The following NUDCD3 variants were observed in gnomAD, a reference collection of about 807,000 sequenced individuals.
NUDCD3 encodes the protein nudC domain-containing protein 3.
NUDCD3 carries 13 observed loss-of-function variants against 39.7 expected under a neutral mutation model. That is an observed-to-expected ratio of 0.33 (90% CI 0.21 to 0.52). NUDCD3 has a LOEUF of 0.52. Among genes scored for constraint, NUDCD3 ranks in the 20% least tolerant of loss-of-function variants. The pLI, the probability that NUDCD3 is intolerant of heterozygous loss-of-function variation, is 0.96. For synonymous variants in NUDCD3, 175 were observed against 172.4 expected, an observed-to-expected ratio of 1.02 and a Z score of -0.12; for missense variants, 453 against 458.1, an observed-to-expected ratio of 0.99 and a Z score of 0.10.
chr7:44,461,444 A>T (rs1043514913), intron 2 of NUDCD3, among the ~76,000 whole-genome samples: 7 of 152,186 alleles, frequency 4.6e-5, no homozygotes, highest in African/African-American at 1.7e-4. Context: ...CTTCTCTTAA[A>T]ATCAGTGTGA....
rs1798550759 is a variant in NUDCD3 at position 44,393,116 on chromosome 7, C to A, written c.787-631G>T. Among the ~76,000 whole-genome samples the A allele has an allele frequency of 7.2e-5, 11 of 152,154 alleles. 1 individual carries two copies. In the South Asian group the frequency reaches 2.3e-3, roughly 32 times the overall value. ...TGTCCCCACTTCTTCCTCACTGGGG[C>A]CAAGCTTGCTGCATGAGGGGGTCCT... is the stretch of plus-strand genomic sequence containing the variant. On this transcript the variant is annotated intron_variant, in intron 4 of 5. Transcript: ENST00000355451.
rs1369785350 is a variant in NUDCD3, at chr7:44,485,158, C to G, written c.319G>C (p.Glu107Gln). ...TCCTGGACTGGAACTGGGACTGGCT[C>G]CTTCTCAGCTGCAGCAGCTGACACA... ...KTVSAAAAEKEPVPVPVQEIE... is the reference protein window; with the variant it reads ...KTVSAAAAEKQPVPVPVQEIE... Residue 107 changes from glutamate (E) to glutamine (Q), a missense_variant, in exon 2 of 6, where the codon GAG becomes CAG. Glu to Gln is a conservative substitution (Grantham distance 29). Transcript: ENST00000355451. 2 of 1,614,186 alleles carry G rather than the reference C, an allele frequency of 1.2e-6. No homozygotes were observed. Among genetic ancestry groups the G allele is most frequent in the Admixed American group, 3.3e-5 (2 of 60,018 alleles).
At chr7:44,439,536 C>T (rs957747233) in intron 2 of NUDCD3, among the ~76,000 whole-genome samples, 1 of 145,522 alleles carries the variant, frequency 6.9e-6, no homozygotes, top group Non-Finnish European at 1.5e-5. Context: ...AGGACTGGAA[C>T]AGAGAAAATA....
At chr7:44,431,759 A>G (rs11768280) in intron 2 of NUDCD3, among the ~76,000 whole-genome samples, 31,772 of 140,728 alleles carry the variant, frequency 0.23, 3,720 homozygotes, top group African/African-American at 0.28. Flanking sequence ...TGCAACCTTC[A>G]CCTCCCAAGT....
At chr7:44,422,864 T>C (rs906536234) in intron 3 of NUDCD3, among the ~76,000 whole-genome samples, 1 of 152,016 alleles carries the variant, frequency 6.6e-6, no homozygotes, top group African/African-American at 2.4e-5. Context: ...CAGGCCAATA[T>C]CCCTGATGAA....
At chr7:44,455,599 T>G (rs1799876257) in intron 2 of NUDCD3, among the ~76,000 whole-genome samples, 1 of 151,998 alleles carries the variant, frequency 6.6e-6, no homozygotes, top group South Asian at 2.1e-4. Context: ...GCATTGGGAG[T>G]GTGCATGACA....
chr7:44,400,453 T>A (rs1319610202), intron 4 of NUDCD3, among the ~76,000 whole-genome samples: 2 of 152,196 alleles, frequency 1.3e-5, no homozygotes, highest in African/African-American at 4.8e-5. Flanking sequence ...ACCAAGGAGC[T>A]GAGGGTGGTG....
chr7:44,477,337 C>A (rs1156838835), intron 2 of NUDCD3, among the ~76,000 whole-genome samples: 3 of 152,202 alleles, frequency 2.0e-5, no homozygotes, highest in Non-Finnish European at 4.4e-5. Context: ...GCACAAAGGA[C>A]AAAGACAACA....
In NUDCD3 at chr7:44,479,615, G is replaced by T. The variant is rs565292984; in HGVS notation, c.509+5353C>A. The stretch of plus-strand genomic sequence containing the variant: ...CTTTACTGTAGTATACAAAAAGGGA[G>T]TTTTTGCCTAATACTGGTTAGAACC... On this transcript the variant is annotated intron_variant, in intron 2 of 5. Coordinates refer to ENST00000355451, the MANE Select transcript of NUDCD3 (RefSeq NM_015332.4). 9.2e-5 allele frequency among the ~76,000 whole-genome samples: 14 copies of T among 152,274 alleles called. No homozygotes were observed. In the East Asian group the frequency reaches 2.7e-3, roughly 29 times the overall value.
chr7:44,425,151 G>A (rs1027266978), intron 3 of NUDCD3, among the ~76,000 whole-genome samples: 1 of 152,122 alleles, frequency 6.6e-6, no homozygotes, highest in Non-Finnish European at 1.5e-5. Flanking sequence ...AAGGGGTCGG[G>A]GGAAAGGGGA....
At chr7:44,401,752 A>G (rs1798731257) in intron 4 of NUDCD3, among the ~76,000 whole-genome samples, 1 of 152,192 alleles carries the variant, frequency 6.6e-6, no homozygotes, top group African/African-American at 2.4e-5. Context: ...TTTGAGTAGC[A>G]GGTGTTTCAT....
intron 1 of NUDCD3, among the ~76,000 whole-genome samples, chr7:44,486,644 G>A (rs1377488624): frequency 1.3e-5 from 2 of 152,168 alleles, no homozygotes; most frequent in African/African-American, 4.8e-5. Context: ...CTACCGCTTT[G>A]AGTCCATGCT....
At chr7:44,439,084 A>T (rs1799526682) in intron 2 of NUDCD3, among the ~76,000 whole-genome samples, 1 of 151,884 alleles carries the variant, frequency 6.6e-6, no homozygotes, top group African/African-American at 2.4e-5. Flanking sequence ...ATACAGCAGG[A>T]GGAGGAGTAG....
intron 4 of NUDCD3, among the ~76,000 whole-genome samples, chr7:44,396,087 T>TTTTG (rs1491153037): frequency 6.9e-6 from 1 of 144,908 alleles, no homozygotes; most frequent in African/African-American, 2.6e-5. Flanking sequence ...TTATCTTCTG[T>TTTTG]TGTGTGTGTG....
At chr7:44,446,068 T>C (rs1484816204) in intron 2 of NUDCD3, among the ~76,000 whole-genome samples, 23 of 152,234 alleles carry the variant, frequency 1.5e-4, no homozygotes, top group Admixed American at 1.2e-3. Context: ...CACTTACCTA[T>C]GGGTCTATGC....
chr7:44,471,497 C>A (rs2116965479), intron 2 of NUDCD3, among the ~76,000 whole-genome samples: 1 of 152,336 alleles, frequency 6.6e-6, no homozygotes, highest in East Asian at 1.9e-4. Context: ...CCACTCCCCT[C>A]CTCCTGACTT....
At chr7:44,423,823 C>A (rs1167869638) in intron 3 of NUDCD3, among the ~76,000 whole-genome samples, 1 of 152,142 alleles carries the variant, frequency 6.6e-6, no homozygotes, top group Non-Finnish European at 1.5e-5. Context: ...CAAAGAACAG[C>A]CCACATAGCC....
At chr7:44,416,050 A>G (rs146878007) in intron 3 of NUDCD3, among the ~76,000 whole-genome samples, 1 of 152,294 alleles carries the variant, frequency 6.6e-6, no homozygotes, top group African/African-American at 2.4e-5. Flanking sequence ...AAAATCATTC[A>G]GCAATTAAGA....
chr7:44,470,425 C>T (rs307019), intron 2 of NUDCD3, among the ~76,000 whole-genome samples: 24,109 of 152,126 alleles, frequency 0.16, 2,079 homozygotes, highest in Non-Finnish European at 0.19. Context: ...CAAAGCAAAT[C>T]CTATAGGACA....
Sources: allele counts gnomAD v4.1 joint callset (sites outside exome capture counted in the v4.1 genomes callset), GRCh38; gene constraint gnomAD v4.1.1; transcripts MANE v1.5; gene names NCBI Gene and HGNC (gene_info 2026-07-23, HGNC 2026-07-21).